Variants in MCTP1 observed in about 807,000 individuals in gnomAD.
MCTP1 encodes the protein multiple C2 and transmembrane domain containing 1, also known as multiple C2 and transmembrane domain-containing protein 1.
In MCTP1, 69 loss-of-function variants were observed where a neutral mutation model predicts 120.6. The observed-to-expected ratio is 0.57, with a 90% CI of 0.47 to 0.70. The LOEUF is 0.70. Among genes scored for constraint, MCTP1 ranks in the 30% least tolerant of loss-of-function variants. MCTP1 has a pLI of 0.00. For missense variants in MCTP1, 1,203 were observed against 1,248.8 expected, an observed-to-expected ratio of 0.96 and a Z score of 0.55; for synonymous variants, 529 against 493.1, an observed-to-expected ratio of 1.07 and a Z score of -0.96.
At position 94,826,528 on chromosome 5, in the gene MCTP1, T is replaced by C. The variant is rs942926626; in HGVS notation, c.2437-27396A>G. 7 of 710,712 alleles carry C rather than the reference T, an allele frequency of 9.8e-6. No homozygotes were observed. The African/African-American group carries it at 1.2e-4, about 12-fold the overall frequency. The allele number at this position is 710,712 out of a possible 1,614,324, so 44.0% of individuals were successfully genotyped here. A position where few individuals can be genotyped will look rare whatever the true frequency, so the allele number is the denominator to read the frequency against. ...GTACATCTGCCTATATTCCTTGTGA[T>C]AGTGCTTCATTTTTTCATAGAAGCT... On this transcript the variant is annotated intron_variant, in intron 17 of 22. Coordinates refer to ENST00000515393, the MANE Select transcript of MCTP1 (RefSeq NM_024717.7).
In MCTP1 at chr5:94,909,246, C is replaced by T; in HGVS notation, c.1652+5G>A. 6.2e-7 allele frequency: 1 copy of T among 1,611,838 alleles called. No individual in the cohort carries two copies. Among genetic ancestry groups the T allele is most frequent in the South Asian group, 1.1e-5 (1 of 90,622 alleles). ...AGTGAACCAAAAATTACAAATTGCA[C>T]AAACCTGCCAATGAAATCATCCCTT... On this transcript the variant is annotated splice_donor_5th_base_variant and intron_variant, in intron 10 of 22. Coordinates refer to ENST00000515393, the MANE Select transcript of MCTP1 (RefSeq NM_024717.7).
intron 1 of MCTP1, among the ~76,000 whole-genome samples, chr5:95,071,940 T>A (rs1277254095): frequency 6.6e-6 from 1 of 152,230 alleles, no homozygotes; most frequent in Non-Finnish European, 1.5e-5. Context: ...AATATATACA[T>A]GTAAAAGTCC....
At chr5:94,758,639 T>C (rs1190321021) in intron 19 of MCTP1, among the ~76,000 whole-genome samples, 2 of 152,162 alleles carry the variant, frequency 1.3e-5, no homozygotes, top group Non-Finnish European at 2.9e-5. Flanking sequence ...ATGATTTAGA[T>C]TGTGGGAAGG....
chr5:94,890,927 G>A (rs1162055135), intron 11 of MCTP1, among the ~76,000 whole-genome samples: 2 of 152,244 alleles, frequency 1.3e-5, no homozygotes, highest in East Asian at 3.9e-4. Flanking sequence ...TTCATAACCA[G>A]AGAACGTAAC....
chr5:95,208,005 G>C (rs1195614031), intron 1 of MCTP1, among the ~76,000 whole-genome samples: 1 of 150,564 alleles, frequency 6.6e-6, no homozygotes, highest in African/African-American at 2.4e-5. Flanking sequence ...GAGGGAGAGA[G>C]AGGGAGAGAG....
intron 1 of MCTP1, among the ~76,000 whole-genome samples, chr5:95,117,206 C>T (rs183783535): frequency 0.015 from 2,335 of 151,914 alleles, 32 homozygotes; most frequent in Non-Finnish European, 0.025. Context: ...CTCGCTAACA[C>T]GGTGAAACCC....
intron 19 of MCTP1, among the ~76,000 whole-genome samples, chr5:94,778,112 G>A (rs1204468714): frequency 6.6e-6 from 1 of 151,816 alleles, no homozygotes; most frequent in East Asian, 1.9e-4. Flanking sequence ...CTTACACTGG[G>A]ATATAACTGT....
chr5:95,147,637 C>T (rs994452578), intron 1 of MCTP1, among the ~76,000 whole-genome samples: 20 of 152,190 alleles, frequency 1.3e-4, no homozygotes, highest in African/African-American at 4.3e-4. Flanking sequence ...ACAGTTGGGT[C>T]TTATCTCTTT....
At chr5:94,902,627 T>C (rs1190565885) in intron 10 of MCTP1, among the ~76,000 whole-genome samples, 1 of 152,236 alleles carries the variant, frequency 6.6e-6, no homozygotes, top group Non-Finnish European at 1.5e-5. Flanking sequence ...TAACATCTTA[T>C]ATTATAAATT....
At chr5:95,224,102 T>G (rs1753992384) in intron 1 of MCTP1, among the ~76,000 whole-genome samples, 1 of 152,178 alleles carries the variant, frequency 6.6e-6, no homozygotes, top group African/African-American at 2.4e-5. Context: ...ATGCAATGGC[T>G]CTGGTGGTGT....
At chr5:94,723,301 AC>A (rs1761332195) in intron 19 of MCTP1, among the ~76,000 whole-genome samples, 1 of 152,230 alleles carries the variant, frequency 6.6e-6, no homozygotes, top group Non-Finnish European at 1.5e-5. Context: ...TTTAAGGTTA[AC>A]AGGATAAATG....
chr5:95,086,556 A>G (rs942394581), intron 1 of MCTP1, among the ~76,000 whole-genome samples: 38 of 152,314 alleles, frequency 2.5e-4, no homozygotes, highest in Admixed American at 8.5e-4. Context: ...GGTAGTATGA[A>G]CCTGTGAGAT....
At chr5:94,870,077 C>G (rs890040664) in intron 16 of MCTP1, among the ~76,000 whole-genome samples, 3 of 152,074 alleles carry the variant, frequency 2.0e-5, no homozygotes, top group Non-Finnish European at 4.4e-5. Flanking sequence ...CTCATTTACA[C>G]ATTCCATGGC....
At chr5:95,167,315 A>G (rs1277160195) in intron 1 of MCTP1, among the ~76,000 whole-genome samples, 3 of 152,152 alleles carry the variant, frequency 2.0e-5, no homozygotes, top group Non-Finnish European at 2.9e-5. Flanking sequence ...TCATTGATGG[A>G]CATTTGGGTT....
chr5:94,717,132 A>C (rs1199565817), intron 19 of MCTP1, among the ~76,000 whole-genome samples: 1 of 152,202 alleles, frequency 6.6e-6, no homozygotes, highest in Non-Finnish European at 1.5e-5. Flanking sequence ...AAATAGCCCC[A>C]AATACATTCC....
chr5:95,180,757 T>A (rs1053900952), intron 1 of MCTP1, among the ~76,000 whole-genome samples: 1 of 152,178 alleles, frequency 6.6e-6, no homozygotes, highest in Non-Finnish European at 1.5e-5. Context: ...GAATAGGTGA[T>A]AATATTCCTC....
At chr5:94,841,549 C>A (rs1398956498) in intron 17 of MCTP1, among the ~76,000 whole-genome samples, 1 of 152,206 alleles carries the variant, frequency 6.6e-6, no homozygotes, top group Non-Finnish European at 1.5e-5. Flanking sequence ...GGGATGTAGA[C>A]ACATCTCTGA....
At chr5:95,097,465 G>C (rs1484493504) in intron 1 of MCTP1, among the ~76,000 whole-genome samples, 1 of 152,246 alleles carries the variant, frequency 6.6e-6, no homozygotes, top group African/African-American at 2.4e-5. Flanking sequence ...TGGTACAGAA[G>C]AGACAGAAAG....
At chr5:95,138,769 C>A (rs1286776751) in intron 1 of MCTP1, among the ~76,000 whole-genome samples, 1 of 152,174 alleles carries the variant, frequency 6.6e-6, no homozygotes, top group Non-Finnish European at 1.5e-5. Context: ...TTTATCTTTT[C>A]TTTGTGCATT....
Sources: gnomAD v4.1 joint callset for allele counts (sites outside exome capture counted in the v4.1 genomes callset) on GRCh38, gnomAD v4.1.1 for gene constraint, MANE v1.5 for transcripts, NCBI Gene and HGNC (gene_info 2026-07-23, HGNC 2026-07-21) for gene names.